The following PPP3CA variants were observed in gnomAD, a reference collection of about 807,000 sequenced individuals.
PPP3CA encodes the protein CAM-PRP catalytic subunit.
A neutral mutation model predicts 66.5 loss-of-function variants in PPP3CA; 14 were observed. That is an observed-to-expected ratio of 0.21 (90% confidence interval 0.14 to 0.33). The LOEUF (loss-of-function observed/expected upper bound fraction) is 0.33, where lower values mean the gene tolerates loss of function less well. Ranked by LOEUF, PPP3CA falls within the 10% of genes least tolerant of loss-of-function variation. PPP3CA has a pLI of 1.00. For synonymous variants in PPP3CA, 232 were observed against 226.2 expected (o/e 1.03, Z -0.23); for missense variants, 317 against 639.5 (o/e 0.50, Z 5.44).
At chr4:101,094,028 T>G in intron 5 of PPP3CA, 113 bp from the exon 6 acceptor site, 1 of 988,302 alleles carries the variant, frequency 1.0e-6, no homozygotes, top group South Asian at 2.5e-5. Context: ...CAGCTACAGC[T>G]CAGGGTGAAA....
intron 1 of PPP3CA, among the ~76,000 whole-genome samples, chr4:101,204,779 TTTAGA>T (rs1051883476): frequency 4.6e-5 from 7 of 151,858 alleles, no homozygotes; most frequent in South Asian, 4.1e-4. Context: ...CTACTGAATG[TTTAGA>T]TTAAACTTAG....
At chr4:101,177,516 A>G (rs1441777974) in intron 2 of PPP3CA, among the ~76,000 whole-genome samples, 7 of 152,072 alleles carry the variant, frequency 4.6e-5, no homozygotes, top group South Asian at 2.1e-4. Flanking sequence ...TAAGCTTGGG[A>G]AAAAAAGGGA....
chr4:101,284,942 G>T (rs1472236298), intron 1 of PPP3CA, among the ~76,000 whole-genome samples: 1 of 151,828 alleles, frequency 6.6e-6, no homozygotes, highest in East Asian at 1.9e-4. Flanking sequence ...TAAAATATGG[G>T]GATTAAAATG....
At chr4:101,126,994 T>A (rs1294458918) in intron 2 of PPP3CA, among the ~76,000 whole-genome samples, 1 of 152,138 alleles carries the variant, frequency 6.6e-6, no homozygotes, top group East Asian at 1.9e-4. Context: ...ATCTTGAGAA[T>A]CTGTTCAATA....
At chr4:101,334,709 G>A (rs1729569470) in intron 1 of PPP3CA, among the ~76,000 whole-genome samples, 1 of 152,168 alleles carries the variant, frequency 6.6e-6, no homozygotes, top group Admixed American at 6.5e-5. Context: ...AAAGCACTTT[G>A]AAGTCACCCC....
intron 2 of PPP3CA, chr4:101,170,939 T>C (rs989695460): frequency 7.3e-6 from 2 of 272,858 alleles, no homozygotes. Flanking sequence ...GTCAAACTTA[T>C]TTGGGCAAAT....
At chr4:101,033,664 G>GTGTT (rs58496024) in intron 11 of PPP3CA, among the ~76,000 whole-genome samples, 12,021 of 151,956 alleles carry the variant, frequency 0.079, 916 homozygotes, top group African/African-American at 0.19. Context: ...TTAACCTAAA[G>GTGTT]TGTTAGGATT....
chr4:101,226,763 G>A (rs1386652665), intron 1 of PPP3CA, among the ~76,000 whole-genome samples: 1 of 151,286 alleles, frequency 6.6e-6, no homozygotes, highest in Non-Finnish European at 1.5e-5. Context: ...TATTTACAAT[G>A]GCCTCTCAGA....
chr4:101,088,728 G>A (rs921732291), intron 6 of PPP3CA, among the ~76,000 whole-genome samples: 6 of 152,068 alleles, frequency 3.9e-5, no homozygotes, highest in African/African-American at 1.2e-4. Flanking sequence ...TATGCATTGG[G>A]TAGAGGGAAG....
chr4:101,300,108 ATT>A (rs893100576), intron 1 of PPP3CA, among the ~76,000 whole-genome samples: 2 of 152,230 alleles, frequency 1.3e-5, no homozygotes, highest in African/African-American at 4.8e-5. Context: ...ACACACTGCT[ATT>A]TCAGAGAGAC....
intron 5 of PPP3CA, among the ~76,000 whole-genome samples, chr4:101,097,473 CAT>C (rs1730246903): frequency 6.6e-6 from 1 of 152,002 alleles, no homozygotes. Flanking sequence ...TTTTCAATAA[CAT>C]ATGTTATAAA....
intron 3 of PPP3CA, among the ~76,000 whole-genome samples, chr4:101,106,447 A>AAAGAAGAGAAG (rs1730717303): frequency 1.6e-4 from 1 of 6,226 alleles, no homozygotes; most frequent in Non-Finnish European, 3.6e-4. Flanking sequence ...GAAAGAAAGA[A>AAAGAAGAGAAG]AGAAAGAGAA....
chr4:101,292,099 C>T (rs1437903447), intron 1 of PPP3CA, among the ~76,000 whole-genome samples: 2 of 150,460 alleles, frequency 1.3e-5, no homozygotes, highest in Non-Finnish European at 3.0e-5. Context: ...CACACACACA[C>T]ACACACACAC....
chr4:101,190,461 T>G (rs1407682582), intron 2 of PPP3CA, among the ~76,000 whole-genome samples: 1 of 152,196 alleles, frequency 6.6e-6, no homozygotes, highest in African/African-American at 2.4e-5. Flanking sequence ...CATGACGTAA[T>G]TGTAATGACT....
At chr4:101,176,226 TG>T (rs1406893741) in intron 2 of PPP3CA, among the ~76,000 whole-genome samples, 3 of 152,198 alleles carry the variant, frequency 2.0e-5, no homozygotes, top group African/African-American at 7.2e-5. Context: ...ACAGGGTTTT[TG>T]TGAGTAGAAA....
chr4:101,051,529 C>G (rs1433627299), intron 10 of PPP3CA, among the ~76,000 whole-genome samples: 2 of 152,104 alleles, frequency 1.3e-5, no homozygotes, highest in Non-Finnish European at 2.9e-5. Flanking sequence ...TAGTTTTCAG[C>G]TAGTTAACAT....
chr4:101,185,930 C>G (rs1724395876), intron 2 of PPP3CA, among the ~76,000 whole-genome samples: 1 of 152,132 alleles, frequency 6.6e-6, no homozygotes, highest in East Asian at 1.9e-4. Flanking sequence ...CACCTATCTC[C>G]CAGAGTTACT....
At chr4:101,157,072 C>T (rs759782250) in intron 2 of PPP3CA, among the ~76,000 whole-genome samples, 1 of 152,160 alleles carries the variant, frequency 6.6e-6, no homozygotes, top group Non-Finnish European at 1.5e-5. Context: ...TTCTAAGGCA[C>T]AGAGTTATGA....
intron 1 of PPP3CA, among the ~76,000 whole-genome samples, chr4:101,223,891 T>C (rs1167268331): frequency 6.6e-6 from 1 of 151,802 alleles, no homozygotes; most frequent in Non-Finnish European, 1.5e-5. Flanking sequence ...AAGAAATGTA[T>C]ATTCTTCTGA....
Sources: allele counts gnomAD v4.1 joint callset (sites outside exome capture counted in the v4.1 genomes callset), GRCh38; gene constraint gnomAD v4.1.1; transcripts MANE v1.5; gene names NCBI Gene and HGNC (gene_info 2026-07-23, HGNC 2026-07-21).